TRAK1: variants seen among roughly 807,000 people sequenced by gnomAD.
The protein encoded by TRAK1 is trafficking kinesin-binding protein 1.
Under a neutral mutation model 92.1 loss-of-function variants are expected in TRAK1, and 33 were observed. That is an observed-to-expected ratio of 0.36 (90% CI 0.27 to 0.48). The LOEUF (loss-of-function observed/expected upper bound fraction) is 0.48, where lower values mean the gene tolerates loss of function less well. TRAK1 is among the 20% of genes least tolerant of loss of function. TRAK1 has a pLI of 0.99. For synonymous variants in TRAK1, 521 were observed against 517.3 expected (o/e 1.01, Z -0.10); for missense variants, 1,123 against 1,257.9 (o/e 0.89, Z 1.62).
chr3:42,126,145 CT>C (rs777698681), intron 2 of TRAK1, among the ~76,000 whole-genome samples: 845 of 144,240 alleles, frequency 5.9e-3, no homozygotes, highest in Non-Finnish European at 5.8e-3. Flanking sequence ...TGGGAGCCAA[CT>C]TTTTTTTTTT....
upstream of TRAK1, among the ~76,000 whole-genome samples, chr3:42,084,412 A>C (rs750933877): frequency 6.6e-6 from 1 of 152,214 alleles, no homozygotes; most frequent in Non-Finnish European, 1.5e-5. Context: ...TGGGTAACAT[A>C]GTAAGACTCC....
At chr3:42,114,015 G>A (rs1003380597) in intron 1 of TRAK1, among the ~76,000 whole-genome samples, 1 of 152,018 alleles carries the variant, frequency 6.6e-6, no homozygotes, top group Non-Finnish European at 1.5e-5. Context: ...TCTGCCAGCC[G>A]CTAATCTGCT....
rs921605103 is a variant in TRAK1, at chr3:42,202,181, C to T, written c.1428-255C>T. Among the ~76,000 whole-genome samples the T allele has an allele frequency of 1.3e-5, 2 of 152,176 alleles. No individual in the cohort carries two copies. The highest frequency in any genetic ancestry group is 3.9e-4 in the East Asian group (2 of 5,170). The stretch of plus-strand genomic sequence containing the variant: ...GAGATGTTTACAGGGACTGAATTTA[C>T]TTAGTCTGTGTGCAGATATTCATCC... On this transcript the variant is annotated intron_variant, in intron 12 of 15. Transcript: ENST00000327628. This position sits in a 1 kb window ranked among gnomAD's most constrained non-coding sequence, Gnocchi z 6.1.
At chr3:42,212,254 G>T in intron 14 of TRAK1, 1 of 985,446 alleles carries the variant, frequency 1.0e-6, no homozygotes, top group Non-Finnish European at 1.2e-6. Flanking sequence ...TCTGGTCCCT[G>T]CCTTTTAATC....
upstream of TRAK1, chr3:42,090,942 C>T (rs1245876556): frequency 1.3e-5 from 2 of 154,744 alleles, no homozygotes; most frequent in Non-Finnish European, 2.9e-5. Context: ...ATTAGGCAGT[C>T]ATTGAAAGGA....
intron 2 of TRAK1, among the ~76,000 whole-genome samples, chr3:42,151,169 C>T (rs534893334): frequency 6.6e-6 from 1 of 152,312 alleles, no homozygotes; most frequent in African/African-American, 2.4e-5. Context: ...TGGATGCCAT[C>T]CTAGAAGTGG....
intron 2 of TRAK1, among the ~76,000 whole-genome samples, chr3:42,126,204 C>A (rs1350400026): frequency 1.3e-5 from 2 of 151,512 alleles, no homozygotes; most frequent in Non-Finnish European, 2.9e-5. Flanking sequence ...CTATTTCTTA[C>A]CAAAAATACA....
At chr3:42,143,230 TA>T (rs59740387) in intron 2 of TRAK1, among the ~76,000 whole-genome samples, 6,124 of 145,530 alleles carry the variant, frequency 0.042, 391 homozygotes, top group African/African-American at 0.14. Context: ...TTTTGTTCTT[TA>T]AAAAAAAAAA....
At chr3:42,186,614 C>T (rs1704895136) in intron 4 of TRAK1, among the ~76,000 whole-genome samples, 1 of 152,208 alleles carries the variant, frequency 6.6e-6, no homozygotes, top group South Asian at 2.1e-4. Flanking sequence ...CCCTCCTAGC[C>T]ACTTCTGAGC....
intron 1 of TRAK1, among the ~76,000 whole-genome samples, chr3:42,095,060 A>G (rs1705704351): frequency 6.6e-6 from 1 of 152,222 alleles, no homozygotes; most frequent in African/African-American, 2.4e-5. Context: ...CAGAAACACT[A>G]CCACAGACAC....
upstream of TRAK1, among the ~76,000 whole-genome samples, chr3:42,090,046 G>A (rs138656332): frequency 1.3e-5 from 2 of 152,322 alleles, no homozygotes; most frequent in Admixed American, 1.3e-4. Flanking sequence ...GGACCCCAGG[G>A]CAAGGGTTCT....
chr3:42,026,386 G>A (rs1701916371), intron 1 of TRAK1, among the ~76,000 whole-genome samples: 1 of 152,022 alleles, frequency 6.6e-6, no homozygotes, highest in Non-Finnish European at 1.5e-5. Context: ...GTACAGGATC[G>A]CTTTTACCTC....
chr3:42,026,129 CCTT>C (rs1218793067), intron 1 of TRAK1, among the ~76,000 whole-genome samples: 1 of 152,126 alleles, frequency 6.6e-6, no homozygotes, highest in African/African-American at 2.4e-5. Context: ...TTCTATACTT[CCTT>C]CTTTTGTCCT....
chr3:42,061,814 A>G (rs979053927), intron 1 of TRAK1, among the ~76,000 whole-genome samples: 15 of 152,202 alleles, frequency 9.9e-5, no homozygotes, highest in South Asian at 2.1e-4. Context: ...ACCCATCTGC[A>G]TGGATTTGAG....
intron 14 of TRAK1, chr3:42,210,594 A>C (rs1708910951): frequency 9.6e-7 from 1 of 1,043,552 alleles, no homozygotes; most frequent in Non-Finnish European, 1.2e-6. Context: ...ATCATCTGTT[A>C]CCTGTACGCT....
intron 1 of TRAK1, among the ~76,000 whole-genome samples, chr3:42,015,623 C>T (rs1292641008): frequency 1.3e-5 from 2 of 152,164 alleles, no homozygotes; most frequent in Non-Finnish European, 2.9e-5. Context: ...TTTCAGGTCT[C>T]CTTCCAACAT....
intron 1 of TRAK1, among the ~76,000 whole-genome samples, chr3:42,015,865 C>T (rs985862350): frequency 7.9e-5 from 12 of 151,838 alleles, no homozygotes; most frequent in Non-Finnish European, 4.4e-5. Flanking sequence ...GGTGAAACCC[C>T]GTCTCTACTA....
Position 42,194,890 on chromosome 3 carries a change from C to A in TRAK1, c.1062C>A (p.Thr354=). 6.2e-7 allele frequency: 1 copy of A among 1,613,990 alleles called. No individual in the cohort carries two copies. Residue 354 remains threonine (T), a synonymous_variant, in exon 10 of 16, where the codon ACC becomes ACA. Transcript: ENST00000327628. ...AGCTGAAGAACCTCCGGAACAAAAC[C>A]ATGCCCAATACCACGTCTCGGCGCT... ...QEELKNLRNK[T]MPNTTSRRYH... is the part of the protein sequence containing the mutation.
chr3:42,164,558 A>G (rs548742488), intron 2 of TRAK1, among the ~76,000 whole-genome samples: 1 of 152,332 alleles, frequency 6.6e-6, no homozygotes, highest in South Asian at 2.1e-4. Context: ...CACCATGCCC[A>G]GGCTCTAAGC....
Sources: gnomAD v4.1 joint callset for allele counts (sites outside exome capture counted in the v4.1 genomes callset) on GRCh38, gnomAD v4.1.1 for gene constraint, Gnocchi (gnomAD v3.1) non-coding constraint, MANE v1.5 for transcripts, NCBI Gene and HGNC (gene_info 2026-07-23, HGNC 2026-07-21) for gene names.